Variants in NOL4L observed in about 807,000 individuals in gnomAD.
The protein encoded by NOL4L is nucleolar protein 4 like, also known as nucleolar protein 4-like.
A neutral mutation model predicts 64.5 loss-of-function variants in NOL4L; 7 were observed. That is an observed-to-expected ratio of 0.11 (90% confidence interval 0.06 to 0.20). The LOEUF (loss-of-function observed/expected upper bound fraction) is 0.20. NOL4L is among the 10% of genes least tolerant of loss of function. NOL4L has a pLI of 1.00. For synonymous variants in NOL4L, 413 were observed against 401.0 expected, an observed-to-expected ratio of 1.03 and a Z score of -0.36; for missense variants, 680 against 967.1, an observed-to-expected ratio of 0.70 and a Z score of 3.94.
chr20:32,536,132 C>T, intron 1 of NOL4L: 4 of 985,664 alleles, frequency 4.1e-6, no homozygotes, highest in Non-Finnish European at 3.6e-6. Flanking sequence ...AAATGATGCA[C>T]AAACAGCACC....
chr20:32,481,260 C>T (rs2015695109), intron 4 of NOL4L, among the ~76,000 whole-genome samples: 1 of 152,308 alleles, frequency 6.6e-6, no homozygotes, highest in African/African-American at 2.4e-5. Flanking sequence ...TTCCTCACCA[C>T]GAGGGCCTCG....
At chr20:32,556,871 C>T (rs1380142187) in intron 1 of NOL4L, among the ~76,000 whole-genome samples, 1 of 152,228 alleles carries the variant, frequency 6.6e-6, no homozygotes, top group Non-Finnish European at 1.5e-5. Flanking sequence ...TGCCTCGCCA[C>T]ACGGCCACCT....
chr20:32,449,867 A>C (rs963072486), intron 10 of NOL4L: 2 of 152,412 alleles, frequency 1.3e-5, no homozygotes, highest in Non-Finnish European at 2.9e-5. Flanking sequence ...GCCTCCTGGC[A>C]TAGTCAACAT....
chr20:32,474,672 A>G lies in NOL4L; in HGVS notation c.770T>C (p.Leu257Pro), dbSNP rs758257627. The G allele has an allele frequency of 1.9e-6, 3 of 1,613,836 alleles. No homozygotes were observed. In the Admixed American group the frequency reaches 5.0e-5, roughly 27 times the overall value. ...DSTWMSADPH[L>P]ASSLSPSQDE... ...CTGGCTGGGGCTCAGGCTGGAGGCC[A>G]GGTGCGGGTCAGCTGACATCCATGT... The change falls in exon 5 of 11, where the codon CTG becomes CCG. Residue 257 changes from leucine to proline, a missense_variant. Physicochemically the swap from Leu to Pro is moderately conservative, Grantham distance 98. Around this residue, in one of 4 missense-constraint regions of NOL4L, gnomAD observed 254 missense variants for 238.7 expected, o/e 1.06. Transcript: ENST00000621426.
rs1394722766 is a variant in NOL4L at position 32,456,203 on chromosome 20, A to C, written c.1034T>G (p.Leu345Arg). 6.2e-7 allele frequency: 1 copy of C among 1,607,094 alleles called. No homozygotes were observed. Among genetic ancestry groups the C allele is most frequent in the African/African-American group, 1.3e-5 (1 of 74,668 alleles). The change falls in exon 6 of 11, where the codon CTT becomes CGT. Residue 345 changes from leucine to arginine, a missense_variant. Leu to Arg is a moderately radical substitution (Grantham distance 102). Coordinates refer to ENST00000621426, the MANE Select transcript of NOL4L (RefSeq NM_001256798.2). ...ATCCGAGGGGTAGGAGGCTGTGCCA[A>C]GTGCCGTGGCCGGCGGGAGCTTGTC... is the stretch of plus-strand genomic sequence containing the variant. ...LCDKLPPATA[L>R]GTASYPSDGC...
intron 1 of NOL4L, among the ~76,000 whole-genome samples, chr20:32,571,746 T>A (rs2145620828): frequency 6.6e-6 from 1 of 152,262 alleles, no homozygotes; most frequent in East Asian, 1.9e-4. Context: ...ACACGTCTGC[T>A]CTTGGGGCAG....
At chr20:32,517,689 G>A (rs923185079) in intron 3 of NOL4L, among the ~76,000 whole-genome samples, 1 of 152,232 alleles carries the variant, frequency 6.6e-6, no homozygotes, top group Non-Finnish European at 1.5e-5. Context: ...CAGACCTTGT[G>A]TCTCTGTTGG....
chr20:32,571,100 G>A (rs1370704314), intron 1 of NOL4L, among the ~76,000 whole-genome samples: 1 of 152,216 alleles, frequency 6.6e-6, no homozygotes, highest in Non-Finnish European at 1.5e-5. Context: ...CCAGGCAGGG[G>A]AACCAGCGGG....
At chr20:32,487,195 G>A (rs1182716821) in intron 4 of NOL4L, among the ~76,000 whole-genome samples, 1 of 152,072 alleles carries the variant, frequency 6.6e-6, no homozygotes, top group Non-Finnish European at 1.5e-5. Flanking sequence ...TTGAACCCAG[G>A]AAGCAGAGGT....
At chr20:32,481,968 G>A (rs559831539) in intron 4 of NOL4L, among the ~76,000 whole-genome samples, 4 of 149,124 alleles carry the variant, frequency 2.7e-5, no homozygotes, top group Non-Finnish European at 4.5e-5. Context: ...GCGGGGCGGG[G>A]GGGGGGGAGC....
intron 4 of NOL4L, among the ~76,000 whole-genome samples, chr20:32,479,671 C>T (rs931082533): frequency 6.6e-6 from 1 of 152,222 alleles, no homozygotes; most frequent in African/African-American, 2.4e-5. Context: ...TAGCCTCTGC[C>T]CTTTGGACAC....
intron 2 of NOL4L, 143 bp downstream of exon 2, chr20:32,527,615 C>A: frequency 1.1e-6 from 1 of 942,534 alleles, no homozygotes; most frequent in South Asian, 1.9e-5. Context: ...CGTGCCCTTG[C>A]CCTGTGCCCC....
chr20:32,520,774 C>T (rs374496229), intron 3 of NOL4L, 37 bp downstream of exon 3: 1 of 1,340,120 alleles, frequency 7.5e-7, no homozygotes, highest in Non-Finnish European at 1.0e-6. Flanking sequence ...TCTTAGATGG[C>T]CCCCGCCCTA....
At chr20:32,475,157 GCC>G in intron 4 of NOL4L, 1 of 985,464 alleles carries the variant, frequency 1.0e-6, no homozygotes, top group Non-Finnish European at 1.2e-6. Flanking sequence ...GCACATGCCC[GCC>G]ACCAGGCACT....
chr20:32,516,439 G>A (rs951234890), intron 3 of NOL4L, among the ~76,000 whole-genome samples: 1 of 152,188 alleles, frequency 6.6e-6, no homozygotes, highest in Non-Finnish European at 1.5e-5. Context: ...GATGAGCAGG[G>A]TGCGACAGAC....
At chr20:32,471,963 CCTCTT>C (rs1481234597) in intron 5 of NOL4L, among the ~76,000 whole-genome samples, 1 of 152,298 alleles carries the variant, frequency 6.6e-6, no homozygotes, top group African/African-American at 2.4e-5. Context: ...ACCAAATAAA[CCTCTT>C]TTCTTTATAA....
intron 1 of NOL4L, among the ~76,000 whole-genome samples, chr20:32,580,387 C>T (rs996544950): frequency 6.6e-6 from 1 of 152,180 alleles, no homozygotes; most frequent in East Asian, 1.9e-4. Context: ...ACATATTACG[C>T]GGTGCTAAGT....
intron 3 of NOL4L, among the ~76,000 whole-genome samples, chr20:32,516,020 C>T (rs1437576136): frequency 6.6e-6 from 1 of 152,226 alleles, no homozygotes; most frequent in Non-Finnish European, 1.5e-5. Context: ...CAATGGCACT[C>T]ATCAACCAAT....
intron 1 of NOL4L, among the ~76,000 whole-genome samples, chr20:32,540,286 G>A (rs919220568): frequency 1.3e-5 from 2 of 152,222 alleles, no homozygotes; most frequent in Non-Finnish European, 2.9e-5. Context: ...CACACAGTCA[G>A]TCTGACAGAG....
Sources: gnomAD v4.1 joint callset for allele counts (sites outside exome capture counted in the v4.1 genomes callset) on GRCh38, gnomAD v4.1.1 for gene constraint, gnomAD v4.1.1 regional missense constraint, MANE v1.5 for transcripts, NCBI Gene and HGNC (gene_info 2026-07-23, HGNC 2026-07-21) for gene names.